PAPSS1: variants seen among roughly 807,000 people sequenced by gnomAD.
The protein encoded by PAPSS1 is 3'-phosphoadenosine 5'-phosphosulfate synthase 1.
PAPSS1 carries 50 observed loss-of-function variants against 72.0 expected under a neutral mutation model. The observed-to-expected ratio is 0.69, with a 90% CI of 0.55 to 0.88. PAPSS1 has a LOEUF of 0.88. Ranked by LOEUF, PAPSS1 falls within the 40% of genes least tolerant of loss-of-function variation. The pLI is 0.00. For missense variants in PAPSS1, 657 were observed against 782.2 expected (o/e 0.84, Z 1.91); for synonymous variants, 261 against 263.6 (o/e 0.99, Z 0.09).
chr4:107,631,609 G>A lies in PAPSS1; in HGVS notation c.1736+22C>T, dbSNP rs995522401. ...AGACCACGAAGTACTTCAAAGATTTGTACAGAGAATGTAAGACTTACTGTT... is the reference window on the plus strand; with the variant it reads ...AGACCACGAAGTACTTCAAAGATTTATACAGAGAATGTAAGACTTACTGTT... On this transcript the variant is annotated intron_variant, in intron 11 of 11. Transcript: ENST00000265174. The A allele has an allele frequency of 5.2e-6, 8 of 1,541,894 alleles. No homozygotes were observed. The African/African-American group carries it at 1.1e-4, about 21-fold the overall frequency.
intron 6 of PAPSS1, 57 bp from the exon 7 acceptor site, chr4:107,657,064 C>T (rs1234285292): frequency 1.8e-5 from 18 of 1,027,622 alleles, no homozygotes; most frequent in Non-Finnish European, 6.2e-6. Flanking sequence ...TGAGCAAAAG[C>T]AGTGATGACC....
intron 1 of PAPSS1, among the ~76,000 whole-genome samples, chr4:107,707,325 C>G (rs1453457829): frequency 1.3e-5 from 2 of 152,154 alleles, no homozygotes; most frequent in African/African-American, 2.4e-5. Context: ...TAGCTCTAAG[C>G]CCAGGGCCAC....
At chr4:107,695,590 C>T (rs1033212045) in intron 2 of PAPSS1, among the ~76,000 whole-genome samples, 3 of 152,098 alleles carry the variant, frequency 2.0e-5, no homozygotes, top group South Asian at 2.1e-4. Flanking sequence ...GGAATGCTTC[C>T]GGCTTTTGTC....
At chr4:107,686,519 G>A (rs548703452) in intron 4 of PAPSS1, among the ~76,000 whole-genome samples, 3 of 152,244 alleles carry the variant, frequency 2.0e-5, no homozygotes, top group South Asian at 2.1e-4. Flanking sequence ...GCACAGATGT[G>A]GAGGGTCAGC....
At position 107,631,655 on chromosome 4, in the gene PAPSS1, C is replaced by T. The variant is rs766441990; in HGVS notation, c.1712G>A (p.Arg571His). Residue 571 changes from arginine (R) to histidine (H), a missense_variant, in exon 11 of 12, where the codon CGT becomes CAT. By Grantham distance (29) the Arg-to-His change is conservative. Transcript: ENST00000265174. ...RVAAYNKKKK[R>H]MDYYDSEHHE... The stretch of plus-strand genomic sequence containing the variant: ...CTGTTCAGAGTCATAGTAGTCCATA[C>T]GCTTCTTTTTCTTGTTGTAAGCTGC... 4.0e-5 allele frequency: 64 copies of T among 1,613,122 alleles called. No individual in the cohort carries two copies. The highest frequency in any genetic ancestry group is 1.8e-4 in the South Asian group (16 of 91,064).
intron 5 of PAPSS1, among the ~76,000 whole-genome samples, chr4:107,661,121 T>C (rs6825429): frequency 0.23 from 35,294 of 152,080 alleles, 4,178 homozygotes; most frequent in East Asian, 0.37. Context: ...CAACATCATA[T>C]GTCATTAGGA....
intron 4 of PAPSS1, among the ~76,000 whole-genome samples, chr4:107,685,314 G>T (rs1722752162): frequency 6.6e-6 from 1 of 152,144 alleles, no homozygotes; most frequent in South Asian, 2.1e-4. Flanking sequence ...TGTTCACTAT[G>T]ATCTCCCTGC....
intron 9 of PAPSS1, among the ~76,000 whole-genome samples, chr4:107,646,352 C>A (rs1212841469): frequency 1.3e-5 from 2 of 150,522 alleles, no homozygotes; most frequent in African/African-American, 4.9e-5. Context: ...CACATACACA[C>A]ACACACATCT....
At chr4:107,632,638 T>C (rs976338561) in intron 10 of PAPSS1, among the ~76,000 whole-genome samples, 3 of 152,204 alleles carry the variant, frequency 2.0e-5, no homozygotes, top group African/African-American at 4.8e-5. Flanking sequence ...CCTAGAATAA[T>C]GAAACTTTAG....
chr4:107,670,212 TA>T (rs1345987499), intron 5 of PAPSS1, among the ~76,000 whole-genome samples: 41 of 152,218 alleles, frequency 2.7e-4, no homozygotes, highest in African/African-American at 8.9e-4. Flanking sequence ...GTTAATTTCT[TA>T]TCTATCCTTC....
At chr4:107,701,117 G>T in intron 2 of PAPSS1, 54 bp downstream of exon 2, 1 of 1,154,488 alleles carries the variant, frequency 8.7e-7, no homozygotes, top group South Asian at 1.3e-5. Flanking sequence ...CTAGTCCAAG[G>T]TTACCTATAT....
At chr4:107,674,934 T>C (rs1245212010) in intron 5 of PAPSS1, among the ~76,000 whole-genome samples, 1 of 151,958 alleles carries the variant, frequency 6.6e-6, no homozygotes, top group Non-Finnish European at 1.5e-5. Context: ...TGAACGACTA[T>C]TGGGTACATA....
At chr4:107,718,161 T>G (rs1298472601) in intron 1 of PAPSS1, among the ~76,000 whole-genome samples, 2 of 152,220 alleles carry the variant, frequency 1.3e-5, no homozygotes, top group Non-Finnish European at 2.9e-5. Context: ...CTTGTGCCTA[T>G]TAAGATGATT....
At chr4:107,669,790 GT>G (rs1444604889) in intron 5 of PAPSS1, among the ~76,000 whole-genome samples, 1 of 152,088 alleles carries the variant, frequency 6.6e-6, no homozygotes, top group African/African-American at 2.4e-5. Context: ...AAAATTAACA[GT>G]TTTTCAAAAG....
intron 1 of PAPSS1, among the ~76,000 whole-genome samples, chr4:107,703,760 T>G (rs909231129): frequency 1.3e-5 from 2 of 152,212 alleles, no homozygotes; most frequent in Admixed American, 1.3e-4. Flanking sequence ...AGCTTCAGAG[T>G]GTGTTTTAAA....
intron 1 of PAPSS1, among the ~76,000 whole-genome samples, chr4:107,714,461 T>C (rs1308803240): frequency 6.6e-6 from 1 of 152,198 alleles, no homozygotes; most frequent in East Asian, 1.9e-4. Flanking sequence ...AATTACTTAA[T>C]CTGATTTCAA....
chr4:107,693,404 G>T (rs1722992640), intron 3 of PAPSS1, among the ~76,000 whole-genome samples: 1 of 152,180 alleles, frequency 6.6e-6, no homozygotes, highest in Admixed American at 6.5e-5. Context: ...AGAAGCCATG[G>T]TAGGGCACAT....
chr4:107,628,760 T>G (rs1726159002), intron 11 of PAPSS1, among the ~76,000 whole-genome samples: 1 of 152,186 alleles, frequency 6.6e-6, no homozygotes, highest in Non-Finnish European at 1.5e-5. Flanking sequence ...CTATAGATAA[T>G]GCAAAGAGCT....
chr4:107,708,235 A>G (rs1159393582), intron 1 of PAPSS1, among the ~76,000 whole-genome samples: 1 of 152,230 alleles, frequency 6.6e-6, no homozygotes, highest in African/African-American at 2.4e-5. Flanking sequence ...TGAAGCAAAT[A>G]CAACTTACCA....
Sources: gnomAD v4.1 joint callset for allele counts (sites outside exome capture counted in the v4.1 genomes callset) on GRCh38, gnomAD v4.1.1 for gene constraint, MANE v1.5 for transcripts, NCBI Gene and HGNC (gene_info 2026-07-23, HGNC 2026-07-21) for gene names.